The following KMT2B variants were observed in gnomAD, a reference collection of about 807,000 sequenced individuals.
The protein encoded by KMT2B is lysine methyltransferase 2B.
In KMT2B, 22 loss-of-function variants were observed where a neutral mutation model predicts 255.3. The ratio of observed to expected loss-of-function variants is 0.09; its 90% CI spans 0.06 to 0.12. The LOEUF is 0.12. KMT2B is among the 10% of genes least tolerant of loss of function. KMT2B has a pLI of 1.00. For missense variants in KMT2B, 3,149 were observed against 3,737.0 expected (o/e 0.84, Z 4.10); for synonymous variants, 1,730 against 1,498.1 (o/e 1.15, Z -3.57).
rs1302570971 is a variant in KMT2B at position 35,718,458 on chromosome 19, G to A, written c.363+77G>A. On this transcript the variant is annotated intron_variant, in intron 1 of 36. Coordinates refer to ENST00000420124, the MANE Select transcript of KMT2B (RefSeq NM_014727.3). The surrounding 1 kb of genome is among the most constrained non-coding windows in gnomAD (Gnocchi z 5.0). ...TCCAGGGGTCTGGGTTGTCCCGGGG[G>A]CGGCGTGGGCAGGCCGGGTCCTCAG... 1.0e-5 allele frequency: 12 copies of A among 1,202,016 alleles called. No individual in the cohort carries two copies. Among genetic ancestry groups the A allele is most frequent in the Non-Finnish European group, 1.0e-5 (10 of 960,944 alleles). The allele number at this position is 1,202,016 out of a possible 1,614,324, so 74.5% of individuals were successfully genotyped here.
chr19:35,720,969 A>G lies in KMT2B; in HGVS notation c.1622A>G (p.Lys541Arg), dbSNP rs771300360. ...VVSARSSRVI[K>R]TPRRFMDEDP... ...AGTGCCCGCTCCTCCCGTGTCATCAAGACACCCCGGCGATTTATGGATGAA... is the reference window on the plus strand; with the variant it reads ...AGTGCCCGCTCCTCCCGTGTCATCAGGACACCCCGGCGATTTATGGATGAA... Residue 541 changes from lysine (K) to arginine (R), a missense_variant, in exon 3 of 37, where the codon AAG (lysine) becomes AGG (arginine). By Grantham distance (26) the Lys-to-Arg change is conservative (BLOSUM62 2). Around this residue, in one of 18 missense-constraint regions of KMT2B, gnomAD observed 1,188 missense variants for 1,106.4 expected, o/e 1.07. Coordinates refer to ENST00000420124, the MANE Select transcript of KMT2B (RefSeq NM_014727.3). 5.6e-6 allele frequency: 9 copies of G among 1,612,134 alleles called. No homozygotes were observed. In the Admixed American group the frequency reaches 1.0e-4, roughly 18 times the overall value.
chr19:35,720,037 C>T lies in KMT2B; in HGVS notation c.690C>T (p.Pro230=), dbSNP rs772812989. 1.9e-6 allele frequency: 3 copies of T among 1,612,124 alleles called. No homozygotes were observed. Among genetic ancestry groups the T allele is most frequent in the Non-Finnish European group, 2.5e-6 (3 of 1,179,182 alleles). Residue 230 remains proline (P), a synonymous_variant, in exon 3 of 37, where the codon CCC becomes CCT. Transcript: ENST00000420124. ...RGRPPGRPAG[P]CRRKQQAVVV... is the part of the protein sequence containing the mutation. ...GGCCCCCAGGACGGCCAGCAGGCCC[C>T]TGCAGGAGGAAGCAGCAAGCAGTAG...
At position 35,731,994 on chromosome 19, in the gene KMT2B, G is replaced by A; in HGVS notation, c.5524G>A (p.Asp1842Asn). 1 of 1,613,792 alleles carries A rather than the reference G, an allele frequency of 6.2e-7. No homozygotes were observed. The highest frequency in any genetic ancestry group is 8.5e-7 in the Non-Finnish European group (1 of 1,179,822). ...GCGCCACTCGCCCATTCAGAACCTG[G>A]ACCCTCCACTGCGGCCAGATTCAGG... ...PERHSPIQNL[D>N]PPLRPDSGSA... Residue 1842 changes from aspartate (D) to asparagine (N), a missense_variant, in exon 27 of 37, where the codon GAC (aspartate) becomes AAC (asparagine). Transcript: ENST00000420124.
In KMT2B at chr19:35,733,693, G is replaced by A; in HGVS notation, c.7049+7G>A. 3.7e-6 allele frequency: 6 copies of A among 1,603,694 alleles called. No individual in the cohort carries two copies. Among genetic ancestry groups the A allele is most frequent in the Non-Finnish European group, 5.1e-6 (6 of 1,175,306 alleles). On this transcript the variant is annotated splice_region_variant and intron_variant, in intron 29 of 36. Transcript: ENST00000420124. The surrounding 1 kb of genome is among the most constrained non-coding windows in gnomAD (Gnocchi z 4.3). The stretch of plus-strand genomic sequence containing the variant: ...CTGGGGAAGAAAGTCCTGGGTGAGT[G>A]GCCAGGCCCCTCTCCCTGGAGGGTC...
chr19:35,725,287 G>T lies in KMT2B; in HGVS notation c.3596G>T (p.Gly1199Val), dbSNP rs756135109. 2 of 1,582,456 alleles carry T rather than the reference G, an allele frequency of 1.3e-6. No homozygotes were observed. Among genetic ancestry groups the T allele is most frequent in the Non-Finnish European group, 1.7e-6 (2 of 1,164,590 alleles). Residue 1199 changes from glycine (G) to valine (V), a missense_variant, in exon 11 of 37, where the codon GGC becomes GTC. Transcript: ENST00000420124. The surrounding 1 kb of genome is among the most constrained non-coding windows in gnomAD (Gnocchi z 4.1). ...AGTGTGCTCACCTCTGTGCCAGGGG[G>T]CCCCCCGATGGTGTGCTTGCTGTGT... Reference protein sequence around the residue: ...GLSVLTSVPGGPPMVCLLCAS... With the variant: ...GLSVLTSVPGVPPMVCLLCAS...
chr19:35,733,191 A>G lies in KMT2B; in HGVS notation c.6642A>G (p.Pro2214=). Residue 2214 remains proline, a synonymous_variant, in exon 28 of 37, where the codon CCA becomes CCG. Coordinates refer to ENST00000420124, the MANE Select transcript of KMT2B (RefSeq NM_014727.3). The surrounding 1 kb of genome is among the most constrained non-coding windows in gnomAD (Gnocchi z 4.3). The stretch of plus-strand genomic sequence containing the variant: ...GGGAGGGTGAACCTGTCCCACCCCC[A>G]GTGAAGCAGCCACCTTTGCCCCCCA... ...MAGEGEPVPP[P]VKQPPLPPTI... 1 of 1,468,932 alleles carries G rather than the reference A, an allele frequency of 6.8e-7. No individual in the cohort carries two copies. The highest frequency in any genetic ancestry group is 9.1e-7 in the Non-Finnish European group (1 of 1,093,990). 91.0% of individuals were successfully genotyped at this position (1,468,932 alleles called of 1,614,324 possible).
chr19:35,730,259 C>T, intron 23 of KMT2B, 83 bp from the exon 24 acceptor site: 1 of 1,598,826 alleles, frequency 6.3e-7, no homozygotes, highest in South Asian at 1.1e-5. Flanking sequence ...GGCCTTTAGG[C>T]CAAGCCCCTG....
rs572128849 is a variant in KMT2B, at chr19:35,721,786, G to A, written c.2439G>A (p.Lys813=). 10 of 1,593,142 alleles carry A rather than the reference G, an allele frequency of 6.3e-6. No homozygotes were observed. In the South Asian group the frequency reaches 1.0e-4, roughly 16 times the overall value. ...AGATCGATCAGCAGCAGCAGCAGAA[G>A]GTGGCAGCTTCCATGCCGGTGAGTG... ...LFKIDQQQQQ[K]VAASMPLSPG... is the part of the protein sequence containing the mutation. The change falls in exon 3 of 37, where the codon AAG becomes AAA. Residue 813 remains lysine, a synonymous_variant. Transcript: ENST00000420124.
In KMT2B at chr19:35,718,185, C is replaced by T; in HGVS notation, c.167C>T (p.Pro56Leu). Residue 56 changes from proline to leucine, a missense_variant, in exon 1 of 37, where the codon CCG becomes CTG. Pro to Leu is a moderately conservative substitution (Grantham distance 98). This residue lies in a region of KMT2B where 1,188 missense variants were observed against 1,106.4 expected (regional missense o/e 1.07). Coordinates refer to ENST00000420124, the MANE Select transcript of KMT2B (RefSeq NM_014727.3). The surrounding 1 kb of genome is among the most constrained non-coding windows in gnomAD (Gnocchi z 5.0). Reference protein sequence around the residue: ...ALRRGGGATGPGGAEPGEDTA... With the variant: ...ALRRGGGATGLGGAEPGEDTA... ...CGGCGCGGCGGTGGCGCGACGGGGC[C>T]GGGCGGAGCCGAGCCCGGGGAGGAC... 8.9e-7 allele frequency: 1 copy of T among 1,119,812 alleles called. No individual in the cohort carries two copies. The highest frequency in any genetic ancestry group is 4.3e-5 in the South Asian group (1 of 23,344). The allele number at this position is 1,119,812 out of a possible 1,614,324, so 69.4% of individuals were successfully genotyped here.
At position 35,730,636 on chromosome 19, in the gene KMT2B, C is replaced by T. The variant is rs1969654303; in HGVS notation, c.5276+20C>T. 2 of 1,613,186 alleles carry T rather than the reference C, an allele frequency of 1.2e-6. No individual in the cohort carries two copies. The highest frequency in any genetic ancestry group is 4.5e-5 in the East Asian group (2 of 44,872). On this transcript the variant is annotated intron_variant, in intron 25 of 36. Coordinates refer to ENST00000420124, the MANE Select transcript of KMT2B (RefSeq NM_014727.3). ...CTACCAGTGAGCGGTCGGGGTGATC[C>T]ATGGGGCCAGGGGACTCCATAGCTG...
In KMT2B at chr19:35,733,918, A is replaced by G. The variant is rs1969823737; in HGVS notation, c.7159+46A>G. 7.1e-7 allele frequency: 1 copy of G among 1,407,058 alleles called. No homozygotes were observed. The highest frequency in any genetic ancestry group is 1.4e-5 in the African/African-American group (1 of 69,614). 87.2% of individuals were successfully genotyped at this position (1,407,058 alleles called of 1,614,324 possible). ...CTCCCTCCTTGCCTGTGCCTGGCTC[A>G]GCTGGGTGACTCACAGATGCAAAAT... On this transcript the variant is annotated intron_variant, in intron 30 of 36. Transcript: ENST00000420124. The surrounding 1 kb of genome is among the most constrained non-coding windows in gnomAD (Gnocchi z 4.3).
At chr19:35,728,720 C>T (rs1969565418) in intron 19 of KMT2B, 54 bp from the exon 20 acceptor site, 5 of 1,405,218 alleles carry the variant, frequency 3.6e-6, no homozygotes, top group Non-Finnish European at 4.0e-6. Flanking sequence ...TGGATGGGCC[C>T]CCGTTCAGCT....
rs1969145556 is a variant in KMT2B at position 35,720,539 on chromosome 19, G to A, written c.1192G>A (p.Glu398Lys). ...GATGATGCCAGCTGCGGAAAAGGAA[G>A]AGGCAAAGCTGCCACCACCGCCTCT... ...EEMMPAAEKE[E>K]AKLPPPPLTP... Residue 398 changes from glutamate (E) to lysine (K), a missense_variant, in exon 3 of 37, where the codon GAG becomes AAG. Glu to Lys is a moderately conservative substitution (Grantham distance 56). This residue lies in a region of KMT2B where 1,188 missense variants were observed against 1,106.4 expected (regional missense o/e 1.07). Transcript: ENST00000420124. The A allele has an allele frequency of 6.5e-7, 1 of 1,548,718 alleles. No homozygotes were observed. The highest frequency in any genetic ancestry group is 8.7e-7 in the Non-Finnish European group (1 of 1,145,668).
Position 35,721,649 on chromosome 19 carries a change from C to G in KMT2B, c.2302C>G (p.Gln768Glu), listed in dbSNP as rs1278852849. Residue 768 changes from glutamine (Q) to glutamate (E), a missense_variant, in exon 3 of 37, where the codon CAG becomes GAG. Physicochemically the swap from Gln to Glu is conservative, Grantham distance 29 (BLOSUM62 2). This residue lies in a region of KMT2B where 1,188 missense variants were observed against 1,106.4 expected (regional missense o/e 1.07). Coordinates refer to ENST00000420124, the MANE Select transcript of KMT2B (RefSeq NM_014727.3). ...PQLQPPPSPQ[Q>E]MPPLEKARIA... ...GCTGCAGCCACCGCCGTCACCACAGCAGATGCCTCCCCTGGAAAAAGCCCG... is the reference window on the plus strand; with the variant it reads ...GCTGCAGCCACCGCCGTCACCACAGGAGATGCCTCCCCTGGAAAAAGCCCG... The G allele has an allele frequency of 6.2e-7, 1 of 1,613,364 alleles. No homozygotes were observed. The highest frequency in any genetic ancestry group is 2.2e-5 in the East Asian group (1 of 44,874).
In KMT2B at chr19:35,727,947, C is replaced by T. The variant is rs774736378; in HGVS notation, c.4459C>T (p.Arg1487Cys). The T allele has an allele frequency of 6.9e-6, 11 of 1,587,968 alleles. No homozygotes were observed. The highest frequency in any genetic ancestry group is 4.0e-5 in the African/African-American group (3 of 74,580). ...RHSEEGETPD[R>C]RAGGQMKGLL... ...CTCGGAGGAGGGAGAGACCCCGGAC[C>T]GCCGGGCTGGAGGCCAGATGAAGGG... Residue 1487 changes from arginine to cysteine, a missense_variant, in exon 18 of 37, where the codon CGC becomes TGC. Arg to Cys is a radical substitution (Grantham distance 180). Transcript: ENST00000420124. The surrounding 1 kb of genome is among the most constrained non-coding windows in gnomAD (Gnocchi z 4.2).
At position 35,733,243 on chromosome 19, in the gene KMT2B, T is replaced by C; in HGVS notation, c.6694T>C (p.Trp2232Arg). ...PTISPTAPTS[W>R]TLPPGPLLGV... Reference sequence around the variant, plus strand: ...CATTTCCCCCACGGCTCCCACCTCCTGGACTCTGCCCCCAGGCCCCCTCCT... The same window carrying C: ...CATTTCCCCCACGGCTCCCACCTCCCGGACTCTGCCCCCAGGCCCCCTCCT... Residue 2232 changes from tryptophan (W) to arginine (R), a missense_variant, in exon 28 of 37, where the codon TGG becomes CGG. Around this residue, in one of 18 missense-constraint regions of KMT2B, gnomAD observed 897 missense variants for 825.3 expected, o/e 1.09. Transcript: ENST00000420124. The surrounding 1 kb of genome is among the most constrained non-coding windows in gnomAD (Gnocchi z 4.3). 1 of 1,399,458 alleles carries C rather than the reference T, an allele frequency of 7.1e-7. No homozygotes were observed. Among genetic ancestry groups the C allele is most frequent in the Non-Finnish European group, 9.6e-7 (1 of 1,038,362 alleles). The allele number at this position is 1,399,458 out of a possible 1,614,324, so 86.7% of individuals were successfully genotyped here. A position where few individuals can be genotyped will look rare whatever the true frequency, so the allele number is the denominator to read the frequency against.
chr19:35,736,845 A>G lies in KMT2B; in HGVS notation c.7297+18A>G. ...CTTGGAGGGTGAGTGGGGGGAGTGC[A>G]GTGGCAGGAGGGAGAGTGTCCATAA... On this transcript the variant is annotated intron_variant, in intron 31 of 36. Transcript: ENST00000420124. The G allele has an allele frequency of 6.2e-7, 1 of 1,613,900 alleles. No individual in the cohort carries two copies. Among genetic ancestry groups the G allele is most frequent in the Non-Finnish European group, 8.5e-7 (1 of 1,179,846 alleles).
Position 35,725,742 on chromosome 19 carries a change from G to A in KMT2B, c.3809G>A (p.Arg1270His), listed in dbSNP as rs775753450. The change falls in exon 13 of 37, where the codon CGC (arginine) becomes CAC (histidine). Residue 1270 changes from arginine to histidine, a missense_variant. Arg to His is a conservative substitution (Grantham distance 29). Coordinates refer to ENST00000420124, the MANE Select transcript of KMT2B (RefSeq NM_014727.3). This position sits in a 1 kb window ranked among gnomAD's most constrained non-coding sequence, Gnocchi z 4.1. ...RGSKHLLECE[R>H]CRHAYHPACL... ...CAACAGCACCTCCTGGAGTGCGAGCGCTGCCGCCATGCATACCACCCGGCC... is the reference window on the plus strand; with the variant it reads ...CAACAGCACCTCCTGGAGTGCGAGCACTGCCGCCATGCATACCACCCGGCC... 8.7e-6 allele frequency: 14 copies of A among 1,606,974 alleles called. No homozygotes were observed. The South Asian group carries it at 1.0e-4, about 11-fold the overall frequency.
chr19:35,720,716 C>T lies in KMT2B; in HGVS notation c.1369C>T (p.Pro457Ser), dbSNP rs1387525863. The stretch of plus-strand genomic sequence containing the variant: ...TGCCCAAGAGGAGCAGGAGGAATCC[C>T]CTCCTCCTGTGGTCCCAGCTACGTG... ...PPAQEEQEES[P>S]PPVVPATCSR... The change falls in exon 3 of 37, where the codon CCT (proline) becomes TCT (serine). Residue 457 changes from proline (P) to serine (S), a missense_variant. Physicochemically the swap from Pro to Ser is moderately conservative, Grantham distance 74. Transcript: ENST00000420124. The T allele has an allele frequency of 4.1e-6, 6 of 1,476,174 alleles. No homozygotes were observed. In the South Asian group the frequency reaches 4.3e-5, roughly 10 times the overall value. The allele number at this position is 1,476,174 out of a possible 1,614,324, so 91.4% of individuals were successfully genotyped here.
Sources: allele counts gnomAD v4.1 joint callset, GRCh38; gene constraint gnomAD v4.1.1; regional missense constraint gnomAD v4.1.1; non-coding constraint Gnocchi (gnomAD v3.1); transcripts MANE v1.5; gene names NCBI Gene and HGNC (gene_info 2026-07-23, HGNC 2026-07-21).